AK9: variants seen among roughly 807,000 people sequenced by gnomAD.
AK9 encodes adenylate kinase 9.
A neutral mutation model predicts 239.6 loss-of-function variants in AK9; 191 were observed. That is an observed-to-expected ratio of 0.80 (90% CI 0.71 to 0.90). The LOEUF is 0.90. Among genes scored for constraint, AK9 ranks in the 40% least tolerant of loss-of-function variants. The pLI is 0.00. For synonymous variants in AK9, 689 were observed against 721.0 expected (o/e 0.96, Z 0.71); for missense variants, 1,995 against 2,214.7 (o/e 0.90, Z 1.99).
intron 8 of AK9, among the ~76,000 whole-genome samples, chr6:109,646,756 T>A (rs1185762146): frequency 6.6e-6 from 1 of 152,098 alleles, no homozygotes; most frequent in East Asian, 1.9e-4. Flanking sequence ...AAGATACTCC[T>A]TGAGAAGAGC....
intron 33 of AK9, 98 bp downstream of exon 33, chr6:109,509,081 A>C (rs1641425724): frequency 7.5e-6 from 9 of 1,207,318 alleles, no homozygotes; most frequent in Non-Finnish European, 1.0e-5. Context: ...ACCCTTTATA[A>C]GAGCTTTAAG....
rs113337773 is a variant in AK9 at position 109,554,601 on chromosome 6, T to C, written c.2752-4299A>G. Among the ~76,000 whole-genome samples, 903 of 148,100 alleles carry C rather than the reference T, an allele frequency of 6.1e-3. 16 individuals are homozygous for C. Among genetic ancestry groups the C allele is most frequent in the African/African-American group, 0.021 (860 of 40,434 alleles). ...GGATGGAGTGCAATGGTGTGATCTC[T>C]GCTCACTGCAACCTCCACCTCCCAG... On this transcript the variant is annotated intron_variant, in intron 24 of 40. Coordinates refer to ENST00000424296, the MANE Select transcript of AK9 (RefSeq NM_001145128.3).
chr6:109,605,157 A>G (rs1392450969), intron 17 of AK9, among the ~76,000 whole-genome samples: 2 of 152,200 alleles, frequency 1.3e-5, no homozygotes, highest in Admixed American at 1.3e-4. Flanking sequence ...TGGGTGTGAC[A>G]GCAGTTGGGC....
chr6:109,593,795 C>A (rs1790617378), intron 17 of AK9, among the ~76,000 whole-genome samples: 1 of 152,188 alleles, frequency 6.6e-6, no homozygotes, highest in East Asian at 1.9e-4. Context: ...GCAGAAAAGG[C>A]CTTCAACAAA....
chr6:109,663,874 TTATTCCAAAGGC>T (rs1280071857), intron 5 of AK9, among the ~76,000 whole-genome samples: 1 of 152,202 alleles, frequency 6.6e-6, no homozygotes, highest in African/African-American at 2.4e-5. Flanking sequence ...ATATCCACAA[TTATTCCAAAGGC>T]TATTAAAATA....
chr6:109,675,736 G>C lies in AK9; in HGVS notation c.10C>G (p.Gln4Glu). Residue 4 changes from glutamine (Q) to glutamate (E), a missense_variant, in exon 2 of 41, where the codon CAA becomes GAA. This residue lies in a region of AK9 where 252 missense variants were observed against 246.4 expected (regional missense o/e 1.02). Coordinates refer to ENST00000424296, the MANE Select transcript of AK9 (RefSeq NM_001145128.3). ...AAAGGATACTCTTCTGTCTTCTCTT[G>C]AGAAGTCATGACACAAAATACTACA... MTS[Q>E]EKTEEYPFAD... 1 of 1,568,880 alleles carries C rather than the reference G, an allele frequency of 6.4e-7. No individual in the cohort carries two copies. Among genetic ancestry groups the C allele is most frequent in the South Asian group, 1.2e-5 (1 of 84,512 alleles).
At chr6:109,552,608 T>C (rs1784499421) in intron 24 of AK9, among the ~76,000 whole-genome samples, 1 of 152,254 alleles carries the variant, frequency 6.6e-6, no homozygotes, top group African/African-American at 2.4e-5. Context: ...TATTAGACTT[T>C]TGTCAGATGG....
intron 1 of AK9, among the ~76,000 whole-genome samples, chr6:109,682,942 C>T (rs1224723001): frequency 1.3e-5 from 2 of 151,952 alleles, no homozygotes; most frequent in Admixed American, 6.6e-5. Context: ...AGAGACACAA[C>T]AAAAAAAGAA....
At chr6:109,573,179 C>CT (rs1274534165) in intron 21 of AK9, among the ~76,000 whole-genome samples, 1 of 152,072 alleles carries the variant, frequency 6.6e-6, no homozygotes, top group Non-Finnish European at 1.5e-5. Context: ...TTTAATGACA[C>CT]TTTTTTCCTG....
At position 109,661,705 on chromosome 6, in the gene AK9, A is replaced by T. The variant is rs145619003; in HGVS notation, c.444+846T>A. On this transcript the variant is annotated intron_variant, in intron 6 of 40. Coordinates refer to ENST00000424296, the MANE Select transcript of AK9 (RefSeq NM_001145128.3). ...CACCTCTCTCTCACAGCTGACCCTG[A>T]CACTCCACTGGGTCCCAGCATCTGA... Among the ~76,000 whole-genome samples, 570 of 152,256 alleles carry T rather than the reference A, an allele frequency of 3.7e-3. 5 individuals are homozygous for T. Among genetic ancestry groups the T allele is most frequent in the African/African-American group, 0.013 (544 of 41,536 alleles).
intron 27 of AK9, among the ~76,000 whole-genome samples, chr6:109,538,645 A>G (rs1432045752): frequency 6.6e-6 from 1 of 151,874 alleles, no homozygotes; most frequent in African/African-American, 2.4e-5. Flanking sequence ...TGATCCTGTC[A>G]TTATGATATT....
chr6:109,535,598 T>C (rs1173032316), intron 27 of AK9, among the ~76,000 whole-genome samples: 1 of 152,248 alleles, frequency 6.6e-6, no homozygotes, highest in Non-Finnish European at 1.5e-5. Context: ...TGTCAGAAGT[T>C]CTTTAGTTTA....
At chr6:109,626,128 A>G (rs953138311) in intron 12 of AK9, among the ~76,000 whole-genome samples, 2 of 151,798 alleles carry the variant, frequency 1.3e-5, no homozygotes, top group African/African-American at 4.8e-5. Flanking sequence ...ATTCAGTAAA[A>G]CGTTCAGTTT....
In AK9 at chr6:109,509,435, A is replaced by G. The variant is rs1778456098; in HGVS notation, c.4280-55T>C. 5.5e-6 allele frequency: 8 copies of G among 1,465,988 alleles called. No homozygotes were observed. The South Asian group carries it at 7.6e-5, about 14-fold the overall frequency. 90.8% of individuals were successfully genotyped at this position (1,465,988 alleles called of 1,614,324 possible). A position where few individuals can be genotyped will look rare whatever the true frequency, so the allele number is the denominator to read the frequency against. On this transcript the variant is annotated intron_variant, in intron 32 of 40. Coordinates refer to ENST00000424296, the MANE Select transcript of AK9 (RefSeq NM_001145128.3). ...TAAATGATTTAGATTCAGGGGGGAC[A>G]TGTGCAGTTTTGTTACATGGGTATA...
At chr6:109,587,582 C>T (rs552199176) in intron 17 of AK9, among the ~76,000 whole-genome samples, 2 of 152,202 alleles carry the variant, frequency 1.3e-5, no homozygotes, top group South Asian at 4.2e-4. Flanking sequence ...TTGTTTAGCT[C>T]CCAATTGTGA....
intron 29 of AK9, among the ~76,000 whole-genome samples, chr6:109,525,825 T>C (rs1925921): frequency 0.71 from 108,399 of 152,120 alleles, 39,116 homozygotes; most frequent in East Asian, 0.99. Context: ...ATCGTTCTAC[T>C]AAAAAGTCAC....
intron 29 of AK9, among the ~76,000 whole-genome samples, chr6:109,523,345 G>A (rs765391943): frequency 5.3e-5 from 8 of 151,632 alleles, no homozygotes; most frequent in Non-Finnish European, 1.0e-4. Context: ...CTGACATCAC[G>A]CATCTCTTAG....
chr6:109,681,813 G>A (rs1476773084), intron 1 of AK9, among the ~76,000 whole-genome samples: 1 of 152,088 alleles, frequency 6.6e-6, no homozygotes, highest in East Asian at 1.9e-4. Context: ...CAACTAGATG[G>A]AAACTAACCT....
At chr6:109,581,129 A>G (rs186743519) in intron 19 of AK9, among the ~76,000 whole-genome samples, 275 of 152,130 alleles carry the variant, frequency 1.8e-3, no homozygotes, top group African/African-American at 6.4e-3. Flanking sequence ...TGCTCCACTG[A>G]CTGGCTGATC....
Sources: gnomAD v4.1 joint callset for allele counts (sites outside exome capture counted in the v4.1 genomes callset) on GRCh38, gnomAD v4.1.1 for gene constraint, gnomAD v4.1.1 regional missense constraint, MANE v1.5 for transcripts, NCBI Gene and HGNC (gene_info 2026-07-23, HGNC 2026-07-21) for gene names.